Variants in BMPR1B observed in about 807,000 individuals in gnomAD.
BMPR1B encodes the protein bone morphogenetic protein receptor type-1B.
In BMPR1B, 12 loss-of-function variants were observed where a neutral mutation model predicts 59.1. The ratio of observed to expected loss-of-function variants is 0.20; its 90% CI spans 0.13 to 0.33. The LOEUF is 0.33. BMPR1B is among the 10% of genes least tolerant of loss of function. The pLI is 1.00. For missense variants in BMPR1B, 550 were observed against 610.9 expected, an observed-to-expected ratio of 0.90 and a Z score of 1.05; for synonymous variants, 237 against 207.3, an observed-to-expected ratio of 1.14 and a Z score of -1.23.
intron 1 of BMPR1B, among the ~76,000 whole-genome samples, chr4:94,843,041 C>T (rs1725155066): frequency 1.3e-5 from 2 of 152,050 alleles, no homozygotes; most frequent in Non-Finnish European, 2.9e-5. Context: ...ATACTCTCTG[C>T]CAGGCACTGT....
At chr4:94,878,960 GCAGTTTCA>G (rs1726849683) in intron 2 of BMPR1B, among the ~76,000 whole-genome samples, 1 of 151,940 alleles carries the variant, frequency 6.6e-6, no homozygotes, top group African/African-American at 2.4e-5. Context: ...ATGAAGTATA[GCAGTTTCA>G]CATTGCATAT....
At chr4:95,076,504 T>C (rs1728722268) in intron 3 of BMPR1B, among the ~76,000 whole-genome samples, 1 of 152,122 alleles carries the variant, frequency 6.6e-6, no homozygotes, top group African/African-American at 2.4e-5. Context: ...TATAAATTGC[T>C]CACACTTATA....
chr4:95,076,576 A>G (rs1477541487), intron 3 of BMPR1B, among the ~76,000 whole-genome samples: 1 of 152,044 alleles, frequency 6.6e-6, no homozygotes, highest in African/African-American at 2.4e-5. Context: ...TATCATCTTC[A>G]TTTTACAGAT....
chr4:95,027,170 C>T (rs927674865), intron 3 of BMPR1B, among the ~76,000 whole-genome samples: 1 of 152,126 alleles, frequency 6.6e-6, no homozygotes, highest in Admixed American at 6.6e-5. Context: ...GGTCAGAAAA[C>T]CAGCTAGCTT....
chr4:94,889,806 G>C (rs1360092419), intron 2 of BMPR1B, among the ~76,000 whole-genome samples: 1 of 152,026 alleles, frequency 6.6e-6, no homozygotes, highest in East Asian at 1.9e-4. Context: ...GGGTGGTTTG[G>C]GGAGTTAGGT....
chr4:94,862,154 T>A (rs1316611587), intron 1 of BMPR1B, among the ~76,000 whole-genome samples: 1 of 151,870 alleles, frequency 6.6e-6, no homozygotes, highest in Non-Finnish European at 1.5e-5. Context: ...TACTGTTTTT[T>A]TTTGTTGTTT....
At chr4:94,829,765 G>A (rs940683354) in intron 1 of BMPR1B, among the ~76,000 whole-genome samples, 1 of 152,174 alleles carries the variant, frequency 6.6e-6, no homozygotes, top group African/African-American at 2.4e-5. Flanking sequence ...GGGAAAAGGA[G>A]GGATGATACC....
intron 2 of BMPR1B, among the ~76,000 whole-genome samples, chr4:94,967,639 T>C (rs1730603516): frequency 6.6e-6 from 1 of 151,922 alleles, no homozygotes; most frequent in Admixed American, 6.6e-5. Context: ...CACGCCACCA[T>C]GCCCGGCTAA....
intron 2 of BMPR1B, among the ~76,000 whole-genome samples, chr4:94,957,331 G>A (rs1730177807): frequency 2.7e-5 from 2 of 73,500 alleles, no homozygotes; most frequent in African/African-American, 5.9e-5. Flanking sequence ...CTCCTGTTTC[G>A]TGTTTTTTTT....
chr4:94,909,774 T>A (rs923137366), intron 2 of BMPR1B, among the ~76,000 whole-genome samples: 1 of 152,058 alleles, frequency 6.6e-6, no homozygotes, highest in Non-Finnish European at 1.5e-5. Context: ...TCAGGGTCAG[T>A]TCTGGACCAA....
chr4:94,797,182 A>G (rs947350115), intron 1 of BMPR1B, among the ~76,000 whole-genome samples: 1 of 152,210 alleles, frequency 6.6e-6, no homozygotes, highest in Non-Finnish European at 1.5e-5. Flanking sequence ...AAATCTCGTG[A>G]GACTTATTCA....
chr4:95,145,894 T>C (rs1174236350), intron 10 of BMPR1B, among the ~76,000 whole-genome samples: 2 of 152,254 alleles, frequency 1.3e-5, no homozygotes, highest in African/African-American at 4.8e-5. Context: ...ATTGGTAAGA[T>C]CTCATTTTAT....
At chr4:94,940,932 T>G (rs1729486242) in intron 2 of BMPR1B, among the ~76,000 whole-genome samples, 1 of 152,140 alleles carries the variant, frequency 6.6e-6, no homozygotes, top group African/African-American at 2.4e-5. Context: ...TTCGTGGTAC[T>G]AGGTACATTA....
intron 4 of BMPR1B, among the ~76,000 whole-genome samples, chr4:95,111,808 C>A (rs566256379): frequency 6.6e-6 from 1 of 152,204 alleles, no homozygotes; most frequent in East Asian, 1.9e-4. Flanking sequence ...GAGCCTAGAA[C>A]CTGTATAATC....
At chr4:94,958,724 T>C (rs1373410632) in intron 2 of BMPR1B, among the ~76,000 whole-genome samples, 1 of 152,066 alleles carries the variant, frequency 6.6e-6, no homozygotes, top group Non-Finnish European at 1.5e-5. Flanking sequence ...GTGTTAGTCG[T>C]TGTTTGGAAA....
intron 1 of BMPR1B, among the ~76,000 whole-genome samples, chr4:94,822,550 G>A (rs1724245104): frequency 6.6e-6 from 1 of 152,130 alleles, no homozygotes. Context: ...AGGAAATACA[G>A]GAGATGGATG....
rs993148955 is a variant in BMPR1B, at chr4:95,136,339, A to G, written c.1076+4827A>G. On this transcript the variant is annotated intron_variant, in intron 10 of 12. Coordinates refer to ENST00000515059, the MANE Select transcript of BMPR1B (RefSeq NM_001203.3). ...TATTTTATTGAGGATTTTTGCATCG[A>G]TGTTCATCAGGGATATTGGGTCTAA... Among the ~76,000 whole-genome samples, 10 of 152,160 alleles carry G rather than the reference A, an allele frequency of 6.6e-5. No individual in the cohort carries two copies. In the East Asian group the frequency reaches 1.7e-3, roughly 26 times the overall value.
At chr4:94,970,239 T>TTCTTCTCTTC (rs10591546) in intron 2 of BMPR1B, among the ~76,000 whole-genome samples, 4,084 of 127,382 alleles carry the variant, frequency 0.032, 140 homozygotes, top group Middle Eastern at 0.061. Flanking sequence ...CTGTTTGTTT[T>TTCTTCTCTTC]TCTTCTCTTC....
chr4:95,104,353 A>G, intron 3 of BMPR1B, 55 bp from the exon 4 acceptor site: 1 of 1,581,374 alleles, frequency 6.3e-7, no homozygotes, highest in African/African-American at 1.3e-5. Context: ...GTTTGAACAG[A>G]AGACTGGGGT....
Sources: allele counts gnomAD v4.1 joint callset (sites outside exome capture counted in the v4.1 genomes callset), GRCh38; gene constraint gnomAD v4.1.1; transcripts MANE v1.5; gene names NCBI Gene and HGNC (gene_info 2026-07-23, HGNC 2026-07-21).